Variants in PARN observed in about 807,000 individuals in gnomAD.
PARN encodes poly(A)-specific ribonuclease.
PARN carries 71 observed loss-of-function variants against 102.8 expected under a neutral mutation model. The observed-to-expected ratio is 0.69, with a 90% CI of 0.57 to 0.84. The LOEUF (loss-of-function observed/expected upper bound fraction) is 0.84. PARN is among the 40% of genes least tolerant of loss of function. The pLI is 0.00. For synonymous variants in PARN, 261 were observed against 252.9 expected (o/e 1.03, Z -0.30); for missense variants, 782 against 760.9 (o/e 1.03, Z -0.33).
At chr16:14,594,242 T>G (rs1970374398) in intron 12 of PARN, among the ~76,000 whole-genome samples, 1 of 152,206 alleles carries the variant, frequency 6.6e-6, no homozygotes, top group Non-Finnish European at 1.5e-5. Flanking sequence ...CCATTAAAAG[T>G]CACTGCCTTT....
intron 21 of PARN, among the ~76,000 whole-genome samples, chr16:14,534,979 C>T (rs1966549103): frequency 6.6e-6 from 1 of 151,986 alleles, no homozygotes; most frequent in Non-Finnish European, 1.5e-5. Flanking sequence ...GAATTACAGG[C>T]ATGTGCCACC....
At chr16:14,551,229 G>C (rs955245037) in intron 21 of PARN, among the ~76,000 whole-genome samples, 1 of 151,372 alleles carries the variant, frequency 6.6e-6, no homozygotes, top group Non-Finnish European at 1.5e-5. Flanking sequence ...ACCATGCCCA[G>C]CCTAGAACCA....
At chr16:14,449,750 T>C (rs1961369364) in intron 22 of PARN, among the ~76,000 whole-genome samples, 2 of 152,202 alleles carry the variant, frequency 1.3e-5, no homozygotes, top group South Asian at 4.1e-4. Flanking sequence ...TTCAACTCCA[T>C]TCATAATGCA....
chr16:14,570,217 T>G (rs373472435), intron 18 of PARN, among the ~76,000 whole-genome samples: 2 of 143,240 alleles, frequency 1.4e-5, no homozygotes, highest in African/African-American at 5.3e-5. Flanking sequence ...CACGTGCCTG[T>G]AATCCCAACT....
chr16:14,532,251 A>G (rs1056345536), intron 21 of PARN, among the ~76,000 whole-genome samples: 1 of 150,728 alleles, frequency 6.6e-6, no homozygotes. Flanking sequence ...TCATAGGACA[A>G]TAGTGAAGGG....
In PARN at chr16:14,614,809, T is replaced by C. The variant is rs954519450; in HGVS notation, c.388+2781A>G. On this transcript the variant is annotated intron_variant, in intron 6 of 23. Transcript: ENST00000437198. Reference sequence around the variant, plus strand: ...GTGGTGGTGAGCTGAGATCGCACCATTGCACTCCAGCATGGGAAAGAAGAG... The same window carrying C: ...GTGGTGGTGAGCTGAGATCGCACCACTGCACTCCAGCATGGGAAAGAAGAG... Among the ~76,000 whole-genome samples, 5 of 117,656 alleles carry C rather than the reference T, an allele frequency of 4.2e-5. 1 individual carries two copies. The highest frequency in any genetic ancestry group is 5.8e-4 in the South Asian group (2 of 3,464). The allele number at this position is 117,656 out of a possible 152,430, so 77.2% of individuals were successfully genotyped here. A position where few individuals can be genotyped will look rare whatever the true frequency, so the allele number is the denominator to read the frequency against.
chr16:14,563,374 C>T (rs757457367), intron 18 of PARN, among the ~76,000 whole-genome samples: 74 of 152,014 alleles, frequency 4.9e-4, no homozygotes, highest in Admixed American at 9.2e-4. Context: ...GCTCCAGCCA[C>T]GAAGGAAGGT....
At chr16:14,454,283 C>A (rs1157465038) in intron 22 of PARN, among the ~76,000 whole-genome samples, 2 of 152,012 alleles carry the variant, frequency 1.3e-5, no homozygotes, top group Admixed American at 6.5e-5. Flanking sequence ...GAGTTCAAGA[C>A]CAGCCTGGGC....
intron 22 of PARN, among the ~76,000 whole-genome samples, chr16:14,462,187 C>A (rs1190625360): frequency 2.0e-5 from 3 of 151,814 alleles, no homozygotes; most frequent in African/African-American, 7.3e-5. Flanking sequence ...CTACATCCAA[C>A]AAGGAAGAGC....
intron 18 of PARN, among the ~76,000 whole-genome samples, chr16:14,564,618 A>C (rs964125931): frequency 6.6e-6 from 1 of 152,176 alleles, no homozygotes; most frequent in Non-Finnish European, 1.5e-5. Context: ...TTTAGTTTGC[A>C]TAATGACACA....
chr16:14,586,121 C>T (rs1018198827), intron 14 of PARN, among the ~76,000 whole-genome samples, 197 bp downstream of exon 14: 2 of 151,676 alleles, frequency 1.3e-5, no homozygotes, highest in African/African-American at 2.4e-5. Context: ...CTGGACCACA[C>T]GTATCCCACC....
intron 11 of PARN, 29 bp from the exon 12 acceptor site, chr16:14,599,989 T>C (rs1970779373): frequency 8.0e-7 from 1 of 1,254,860 alleles, no homozygotes; most frequent in African/African-American, 1.5e-5. Context: ...ACATATGTAT[T>C]ATTGATGTAT....
intron 22 of PARN, among the ~76,000 whole-genome samples, chr16:14,480,628 C>T (rs1301440852): frequency 6.6e-6 from 1 of 152,096 alleles, no homozygotes; most frequent in East Asian, 1.9e-4. Context: ...TGTCTCATTC[C>T]ATCTAAGATG....
chr16:14,443,748 T>G (rs1393832708), intron 23 of PARN, among the ~76,000 whole-genome samples: 1 of 152,214 alleles, frequency 6.6e-6, no homozygotes, highest in Non-Finnish European at 1.5e-5. Context: ...TACTTCCTCC[T>G]TGGAGAACAG....
In PARN at chr16:14,630,191, G is replaced by A. The variant is rs1972961330; in HGVS notation, c.-66C>T. The A allele has an allele frequency of 2.8e-6, 4 of 1,430,426 alleles. No homozygotes were observed. Among genetic ancestry groups the A allele is most frequent in the East Asian group, 2.6e-5 (1 of 38,892 alleles). The allele number at this position is 1,430,426 out of a possible 1,614,324, so 88.6% of individuals were successfully genotyped here. On this transcript the variant is annotated 5_prime_UTR_variant, in exon 1 of 24. Transcript: ENST00000437198. ...GCCCGCCTCAGCGGTTCTACTCGCCGAATTCCGCGGCGACTGCGGCAGTAG... is the reference window on the plus strand; with the variant it reads ...GCCCGCCTCAGCGGTTCTACTCGCCAAATTCCGCGGCGACTGCGGCAGTAG...
At chr16:14,558,023 T>C (rs1226335455) in intron 18 of PARN, among the ~76,000 whole-genome samples, 1 of 152,242 alleles carries the variant, frequency 6.6e-6, no homozygotes, top group Admixed American at 6.5e-5. Context: ...TTAACTAACC[T>C]AGGAATAACT....
intron 21 of PARN, among the ~76,000 whole-genome samples, chr16:14,530,559 A>G (rs1966269885): frequency 6.6e-6 from 1 of 151,194 alleles, no homozygotes. Flanking sequence ...AAAAAAAACT[A>G]TATTATATAA....
At chr16:14,540,230 T>C (rs138958134) in intron 21 of PARN, among the ~76,000 whole-genome samples, 9 of 152,340 alleles carry the variant, frequency 5.9e-5, no homozygotes, top group East Asian at 1.9e-4. Flanking sequence ...CATTTATCTA[T>C]TGCCACATTT....
chr16:14,520,699 CA>C (rs35295923), intron 21 of PARN, among the ~76,000 whole-genome samples: 160 of 138,996 alleles, frequency 1.2e-3, no homozygotes, highest in East Asian at 2.9e-3. Flanking sequence ...AACCCTGTCT[CA>C]AAAAAAAAAA....
Sources: allele counts gnomAD v4.1 joint callset (sites outside exome capture counted in the v4.1 genomes callset), GRCh38; gene constraint gnomAD v4.1.1; transcripts MANE v1.5; gene names NCBI Gene and HGNC (gene_info 2026-07-23, HGNC 2026-07-21).